The following LCORL variants were observed in gnomAD, a reference collection of about 807,000 sequenced individuals.
The protein encoded by LCORL is ligand-dependent nuclear receptor corepressor-like protein.
In LCORL, 41 loss-of-function variants were observed where a neutral mutation model predicts 141.8. The ratio of observed to expected loss-of-function variants is 0.29; its 90% CI spans 0.23 to 0.38. LCORL has a LOEUF of 0.38. Ranked by LOEUF, LCORL falls within the 10% of genes least tolerant of loss-of-function variation. The pLI is 1.00. For missense variants in LCORL, 1,759 were observed against 2,035.0 expected (o/e 0.86, Z 2.61); for synonymous variants, 618 against 694.1 (o/e 0.89, Z 1.72).
At chr4:17,843,520 T>G in exon 8 of LCORL, 1 of 1,404,978 alleles carries the variant, frequency 7.1e-7, no homozygotes, top group Non-Finnish European at 9.8e-7. Context: ...ACAAACCTGA[T>G]GTCTTTCTGA....
exon 8 of LCORL, chr4:17,842,157 T>C (rs576224066): frequency 1.7e-6 from 1 of 586,362 alleles, no homozygotes; most frequent in African/African-American, 1.9e-5. Context: ...GTGGCAGTGA[T>C]AACTGGTACC....
At chr4:18,004,975 T>C (rs1374112539) in intron 1 of LCORL, among the ~76,000 whole-genome samples, 2 of 150,922 alleles carry the variant, frequency 1.3e-5, no homozygotes, top group African/African-American at 4.9e-5. Flanking sequence ...CAGACTGGAG[T>C]GCAATGATCT....
At position 18,021,136 on chromosome 4, in the gene LCORL, G is replaced by A. The variant is rs549928580; in HGVS notation, c.154+462C>T. Among the ~76,000 whole-genome samples the A allele has an allele frequency of 1.5e-4, 23 of 152,106 alleles. No individual in the cohort carries two copies. The East Asian group carries it at 4.1e-3, about 27-fold the overall frequency. On this transcript the variant is annotated intron_variant, in intron 1 of 7. Coordinates refer to ENST00000635767, the Ensembl canonical transcript of LCORL. This position sits in a 1 kb window ranked among gnomAD's most constrained non-coding sequence, Gnocchi z 5.5. ...GTCTGCTCACCCGGCCCCCGGCGGCGACAAGGGGGTGTGTGTGCGCTCGGC... is the reference window on the plus strand; with the variant it reads ...GTCTGCTCACCCGGCCCCCGGCGGCAACAAGGGGGTGTGTGTGCGCTCGGC...
At chr4:17,976,780 T>A (rs1020734159) in intron 1 of LCORL, among the ~76,000 whole-genome samples, 2 of 152,158 alleles carry the variant, frequency 1.3e-5, no homozygotes, top group African/African-American at 4.8e-5. Flanking sequence ...ACTGAAGATG[T>A]GCTTTCACCG....
chr4:17,940,178 A>G (rs1737681952), intron 4 of LCORL, among the ~76,000 whole-genome samples: 1 of 147,772 alleles, frequency 6.8e-6, no homozygotes, highest in Non-Finnish European at 1.5e-5. Flanking sequence ...ACATGTATAT[A>G]TATATATATA....
At chr4:17,900,651 C>T (rs528805302) in intron 5 of LCORL, among the ~76,000 whole-genome samples, 1 of 152,138 alleles carries the variant, frequency 6.6e-6, no homozygotes, top group African/African-American at 2.4e-5. Flanking sequence ...ATTAGAAACT[C>T]AAGACACAGG....
intron 5 of LCORL, among the ~76,000 whole-genome samples, chr4:17,908,336 T>A (rs1396607854): frequency 6.6e-6 from 1 of 152,168 alleles, no homozygotes; most frequent in East Asian, 1.9e-4. Flanking sequence ...CTGGCCTAAC[T>A]AGTATATTCT....
intron 4 of LCORL, among the ~76,000 whole-genome samples, chr4:17,911,362 A>T (rs1370902593): frequency 6.6e-6 from 1 of 152,192 alleles, no homozygotes; most frequent in Non-Finnish European, 1.5e-5. Context: ...TAGGTTTCAA[A>T]AATGTTTTGC....
intron 4 of LCORL, among the ~76,000 whole-genome samples, chr4:17,940,701 G>T (rs574350060): frequency 6.6e-6 from 1 of 151,916 alleles, no homozygotes; most frequent in East Asian, 1.9e-4. Flanking sequence ...GCTTACAGTT[G>T]AAGTAAATGT....
At chr4:17,938,708 C>T (rs1000035267) in intron 4 of LCORL, among the ~76,000 whole-genome samples, 4 of 152,018 alleles carry the variant, frequency 2.6e-5, no homozygotes, top group African/African-American at 4.8e-5. Context: ...CCACCGCGCC[C>T]GGCCCTGTAA....
At chr4:17,947,489 C>T (rs1415615526) in intron 4 of LCORL, among the ~76,000 whole-genome samples, 4 of 151,424 alleles carry the variant, frequency 2.6e-5, no homozygotes, top group Non-Finnish European at 5.9e-5. Flanking sequence ...ATTTATTGCA[C>T]AATGTGATGA....
At chr4:17,847,841 T>C (rs866379202) in intron 7 of LCORL, among the ~76,000 whole-genome samples, 5 of 152,186 alleles carry the variant, frequency 3.3e-5, no homozygotes, top group Non-Finnish European at 5.9e-5. Context: ...TGTACACCTT[T>C]TTGAGAAACT....
At chr4:17,949,399 C>A (rs1031655375) in intron 4 of LCORL, among the ~76,000 whole-genome samples, 2 of 152,058 alleles carry the variant, frequency 1.3e-5, no homozygotes, top group African/African-American at 4.8e-5. Flanking sequence ...TATTATAATG[C>A]GTCCTTGACT....
intron 6 of LCORL, chr4:17,881,928 ATGACCC>A: frequency 1.0e-6 from 1 of 983,062 alleles, no homozygotes; most frequent in Non-Finnish European, 1.2e-6. Context: ...AAAAAGAAAG[ATGACCC>A]TGACATCTGC....
intron 4 of LCORL, among the ~76,000 whole-genome samples, chr4:17,945,413 T>C (rs758206779): frequency 6.7e-6 from 1 of 149,042 alleles, no homozygotes; most frequent in Non-Finnish European, 1.5e-5. Flanking sequence ...AAATTGGGGT[T>C]TTTTTTTTTA....
intron 6 of LCORL, among the ~76,000 whole-genome samples, chr4:17,879,794 T>C (rs903447094): frequency 6.0e-5 from 9 of 151,106 alleles, no homozygotes; most frequent in Admixed American, 3.3e-4. Context: ...TAAAGTGATG[T>C]TATGGCATAA....
chr4:17,865,591 T>C (rs1481844001), intron 7 of LCORL, among the ~76,000 whole-genome samples: 1 of 152,172 alleles, frequency 6.6e-6, no homozygotes, highest in Admixed American at 6.5e-5. Flanking sequence ...CAGAGCAAAA[T>C]TTGTGATATA....
chr4:17,947,165 T>C (rs1427635892), intron 4 of LCORL, among the ~76,000 whole-genome samples: 2 of 152,010 alleles, frequency 1.3e-5, no homozygotes, highest in Non-Finnish European at 2.9e-5. Flanking sequence ...TGTACATATG[T>C]GTATGCGTAC....
intron 5 of LCORL, among the ~76,000 whole-genome samples, chr4:17,896,097 C>T (rs972084585): frequency 6.6e-6 from 1 of 152,106 alleles, no homozygotes; most frequent in Non-Finnish European, 1.5e-5. Flanking sequence ...GATGCGCAAC[C>T]TTTTGAGGAA....
Sources: allele counts gnomAD v4.1 joint callset (sites outside exome capture counted in the v4.1 genomes callset), GRCh38; gene constraint gnomAD v4.1.1; non-coding constraint Gnocchi (gnomAD v3.1); transcripts MANE v1.5; gene names NCBI Gene and HGNC (gene_info 2026-07-23, HGNC 2026-07-21).